ELP1: variants seen among roughly 807,000 people sequenced by gnomAD.
The protein encoded by ELP1 is elongator complex protein 1.
In ELP1, 131 loss-of-function variants were observed where a neutral mutation model predicts 183.2. The observed-to-expected ratio is 0.72, with a 90% confidence interval of 0.62 to 0.83. ELP1 has a LOEUF of 0.83. Ranked by LOEUF, ELP1 falls within the 40% of genes least tolerant of loss-of-function variation. The pLI, the probability that ELP1 is intolerant of heterozygous loss-of-function variation, is 0.00. For synonymous variants in ELP1, 555 were observed against 569.0 expected (o/e 0.98, Z 0.35); for missense variants, 1,550 against 1,594.9 (o/e 0.97, Z 0.48).
intron 12 of ELP1, among the ~76,000 whole-genome samples, chr9:108,909,226 C>G (rs1227190963): frequency 2.0e-5 from 3 of 152,048 alleles, no homozygotes; most frequent in African/African-American, 7.2e-5. Flanking sequence ...TAATTTTTCT[C>G]CACAGCACTT....
chr9:108,912,125 C>T, intron 11 of ELP1, 139 bp downstream of exon 11: 2 of 730,696 alleles, frequency 2.7e-6, no homozygotes, highest in East Asian at 5.4e-5. Flanking sequence ...CACCTTATAT[C>T]CCATTCAATA....
intron 29 of ELP1, among the ~76,000 whole-genome samples, chr9:108,884,114 T>C (rs1045946289): frequency 1.3e-5 from 2 of 151,988 alleles, no homozygotes; most frequent in Non-Finnish European, 2.9e-5. Flanking sequence ...ATGAAAAGAC[T>C]AACCAAGAGA....
intron 6 of ELP1, 131 bp downstream of exon 6, chr9:108,922,711 C>T: frequency 1.3e-6 from 1 of 751,986 alleles, no homozygotes. Flanking sequence ...CCTGAAGGTT[C>T]TAGGCAGTTT....
At position 108,881,720 on chromosome 9, in the gene ELP1, G is replaced by C; in HGVS notation, c.3331C>G (p.Pro1111Ala). ...RLDIIETNVK[P>A]SILEAQKNYM... ...GAACCCTCACCTTCTAAAATGGAAG[G>C]CTTTACGTTGGTTTCTATAATATCC... The change falls in exon 31 of 37, where the codon CCT becomes GCT. Residue 1111 changes from proline (P) to alanine (A), a missense_variant. Physicochemically the swap from Pro to Ala is conservative, Grantham distance 27. Transcript: ENST00000374647. 1.3e-6 allele frequency: 2 copies of C among 1,578,768 alleles called. No homozygotes were observed. The highest frequency in any genetic ancestry group is 1.7e-6 in the Non-Finnish European group (2 of 1,148,214).
At chr9:108,922,529 A>G (rs1413035774) in intron 6 of ELP1, among the ~76,000 whole-genome samples, 1 of 152,210 alleles carries the variant, frequency 6.6e-6, no homozygotes, top group African/African-American at 2.4e-5. Context: ...TCTGGAGAGG[A>G]AGGGGAGGGA....
Position 108,927,437 on chromosome 9 carries a change from C to A in ELP1, c.320G>T (p.Ser107Ile), listed in dbSNP as rs1333911698. The A allele has an allele frequency of 6.2e-7, 1 of 1,613,678 alleles. No homozygotes were observed. The highest frequency in any genetic ancestry group is 8.5e-7 in the Non-Finnish European group (1 of 1,179,644). Reference protein sequence around the residue: ...LSTQQLECVGSVASGISVMSW... With the variant: ...LSTQQLECVGIVASGISVMSW... ...CATAACAGAGATACCACTGGCTACACTCCCAACACACTCCAGCTGAGACAG... is the reference window on the plus strand; with the variant it reads ...CATAACAGAGATACCACTGGCTACAATCCCAACACACTCCAGCTGAGACAG... Residue 107 changes from serine to isoleucine, a missense_variant, in exon 4 of 37, where the codon AGT (serine) becomes ATT (isoleucine). Coordinates refer to ENST00000374647, the MANE Select transcript of ELP1 (RefSeq NM_003640.5).
chr9:108,885,306 C>T (rs1029637800), intron 29 of ELP1, among the ~76,000 whole-genome samples: 1 of 151,858 alleles, frequency 6.6e-6, no homozygotes, highest in Admixed American at 6.6e-5. Context: ...AAAGAAGACA[C>T]ATCAATATCT....
intron 11 of ELP1, 129 bp from the exon 12 acceptor site, chr9:108,911,309 C>T (rs1280692052): frequency 7.6e-6 from 7 of 918,282 alleles, no homozygotes; most frequent in Middle Eastern, 2.6e-4. Context: ...ATGTTTTTCT[C>T]AGGAACAAGT....
chr9:108,879,375 C>T, intron 33 of ELP1, 71 bp downstream of exon 33: 3 of 1,157,330 alleles, frequency 2.6e-6, no homozygotes, highest in Non-Finnish European at 3.9e-6. Context: ...AGTAGAAAAC[C>T]AATCTATTTG....
chr9:108,880,782 T>C (rs764755671), intron 31 of ELP1, among the ~76,000 whole-genome samples: 1 of 152,228 alleles, frequency 6.6e-6, no homozygotes, highest in African/African-American at 2.4e-5. Context: ...GGTTAGATTA[T>C]TATAGATGAG....
chr9:108,872,388 A>C (rs1827489775), intron 36 of ELP1, among the ~76,000 whole-genome samples: 1 of 152,204 alleles, frequency 6.6e-6, no homozygotes, highest in East Asian at 1.9e-4. Context: ...ATTTCTCTCC[A>C]CTAAATGGTG....
chr9:108,906,337 C>T lies in ELP1; in HGVS notation c.1609G>A (p.Glu537Lys). ...VIHHLTAASSEMDEEHGQLNV... is the reference protein window; with the variant it reads ...VIHHLTAASSKMDEEHGQLNV... ...AGCTGTCCATGCTCTTCATCCATCT[C>T]AGAAGAAGCTGCAGTCAAATGGTGA... is the stretch of plus-strand genomic sequence containing the variant. Residue 537 changes from glutamate to lysine, a missense_variant, in exon 14 of 37, where the codon GAG becomes AAG. Transcript: ENST00000374647. 6.2e-7 allele frequency: 1 copy of T among 1,614,072 alleles called. No individual in the cohort carries two copies. Among genetic ancestry groups the T allele is most frequent in the African/African-American group, 1.3e-5 (1 of 75,048 alleles).
At chr9:108,882,634 G>A (rs1159814419) in intron 29 of ELP1, among the ~76,000 whole-genome samples, 11 of 142,306 alleles carry the variant, frequency 7.7e-5, no homozygotes, top group African/African-American at 2.7e-4. Flanking sequence ...TCACTCTGTC[G>A]CCCAGGCTGG....
chr9:108,900,437 A>G, intron 18 of ELP1, 62 bp from the exon 19 acceptor site: 12 of 1,120,480 alleles, frequency 1.1e-5, no homozygotes, highest in Non-Finnish European at 1.4e-5. Context: ...CATTAACTGC[A>G]ATTGAAACCG....
At chr9:108,921,222 C>A (rs925152941) in intron 6 of ELP1, among the ~76,000 whole-genome samples, 3 of 152,048 alleles carry the variant, frequency 2.0e-5, no homozygotes, top group African/African-American at 7.3e-5. Flanking sequence ...TTTTCATCAT[C>A]CCCAAAAGAA....
chr9:108,901,584 C>G, intron 17 of ELP1, 44 bp downstream of exon 17: 1 of 1,612,096 alleles, frequency 6.2e-7, no homozygotes, highest in Non-Finnish European at 8.5e-7. Context: ...TTACTCGGAG[C>G]TAACACTGTG....
At chr9:108,894,146 T>C (rs1263027095) in intron 25 of ELP1, 80 bp from the exon 26 acceptor site, 1 of 818,312 alleles carries the variant, frequency 1.2e-6, no homozygotes, top group African/African-American at 1.7e-5. Flanking sequence ...CATATAGCAA[T>C]AAACCCAAAG....
At chr9:108,914,978 T>C (rs1221592589) in intron 10 of ELP1, among the ~76,000 whole-genome samples, 1 of 152,144 alleles carries the variant, frequency 6.6e-6, no homozygotes, top group Admixed American at 6.5e-5. Flanking sequence ...TACTGAGATA[T>C]ATACATGAAA....
chr9:108,925,832 G>A (rs1829806851), intron 5 of ELP1, among the ~76,000 whole-genome samples: 1 of 152,174 alleles, frequency 6.6e-6, no homozygotes, highest in Non-Finnish European at 1.5e-5. Context: ...TTACAGGCAT[G>A]AGCCACTGTG....
Sources: gnomAD v4.1 joint callset for allele counts (sites outside exome capture counted in the v4.1 genomes callset) on GRCh38, gnomAD v4.1.1 for gene constraint, MANE v1.5 for transcripts, NCBI Gene and HGNC (gene_info 2026-07-23, HGNC 2026-07-21) for gene names.